Variants in CALN1 observed in about 807,000 individuals in gnomAD.
CALN1 encodes calneuron 1.
A neutral mutation model predicts 30.6 loss-of-function variants in CALN1; 17 were observed. That is an observed-to-expected ratio of 0.56 (90% CI 0.38 to 0.83). The LOEUF is 0.83. Among genes scored for constraint, CALN1 ranks in the 40% least tolerant of loss-of-function variants. The pLI, the probability that CALN1 is intolerant of heterozygous loss-of-function variation, is 0.00. For missense variants in CALN1, 291 were observed against 354.9 expected (o/e 0.82, Z 1.45); for synonymous variants, 156 against 131.4 (o/e 1.19, Z -1.28).
chr7:72,133,677 C>A (rs947708520), intron 3 of CALN1, among the ~76,000 whole-genome samples: 25 of 152,178 alleles, frequency 1.6e-4, no homozygotes, highest in Non-Finnish European at 1.0e-4. Flanking sequence ...GTGGAAAAGC[C>A]TGGCGGACTC....
chr7:71,845,229 T>C (rs1427846524), intron 5 of CALN1, among the ~76,000 whole-genome samples: 2 of 152,178 alleles, frequency 1.3e-5, no homozygotes, highest in Non-Finnish European at 2.9e-5. Flanking sequence ...TGTATCTTGA[T>C]AAAACAAGCT....
intron 3 of CALN1, among the ~76,000 whole-genome samples, chr7:72,135,932 A>C (rs987532773): frequency 1.3e-5 from 2 of 152,084 alleles, no homozygotes; most frequent in Admixed American, 1.3e-4. Flanking sequence ...CAGGAGTTCA[A>C]GACCAGCCTG....
At chr7:72,005,852 G>A (rs887730283) in intron 5 of CALN1, among the ~76,000 whole-genome samples, 6 of 152,134 alleles carry the variant, frequency 3.9e-5, no homozygotes, top group Non-Finnish European at 5.9e-5. Flanking sequence ...AGGGGTGATG[G>A]AATTGTTCAA....
At chr7:72,438,580 C>T (rs941911748) in intron 1 of CALN1, among the ~76,000 whole-genome samples, 2 of 152,146 alleles carry the variant, frequency 1.3e-5, no homozygotes, top group Non-Finnish European at 2.9e-5. Context: ...AAATAGTAGC[C>T]GCCACGTAGA....
chr7:71,855,071 C>T (rs1238500879), intron 5 of CALN1, among the ~76,000 whole-genome samples: 1 of 152,196 alleles, frequency 6.6e-6, no homozygotes, highest in East Asian at 1.9e-4. Context: ...TTCATACTAA[C>T]TGTGAACACA....
At chr7:72,009,021 T>C (rs932559752) in intron 5 of CALN1, among the ~76,000 whole-genome samples, 8 of 152,206 alleles carry the variant, frequency 5.3e-5, no homozygotes, top group Admixed American at 6.5e-5. Flanking sequence ...TTTTGAGGAA[T>C]TGGTAACCTG....
At chr7:72,046,449 T>C (rs1212989697) in intron 4 of CALN1, among the ~76,000 whole-genome samples, 1 of 151,546 alleles carries the variant, frequency 6.6e-6, no homozygotes, top group African/African-American at 2.4e-5. Context: ...TGGTGGCTCA[T>C]GCCTGTAATC....
At chr7:71,952,104 G>A (rs1013600366) in intron 5 of CALN1, among the ~76,000 whole-genome samples, 1 of 152,184 alleles carries the variant, frequency 6.6e-6, no homozygotes, top group Non-Finnish European at 1.5e-5. Context: ...GCTAGCTGAA[G>A]TATGAAAAAT....
intron 2 of CALN1, among the ~76,000 whole-genome samples, chr7:72,347,599 T>C (rs1802714692): frequency 6.6e-6 from 1 of 152,146 alleles, no homozygotes; most frequent in Admixed American, 6.5e-5. Flanking sequence ...AGGCCCCCTC[T>C]CCTTCACACA....
intron 5 of CALN1, among the ~76,000 whole-genome samples, chr7:71,954,519 G>A (rs1428051491): frequency 6.6e-6 from 1 of 152,050 alleles, no homozygotes; most frequent in Non-Finnish European, 1.5e-5. Context: ...GGGCATAGTG[G>A]TGTGCATGTG....
Position 72,242,330 on chromosome 7 carries a change from TG to T in CALN1, c.244+36355del, listed in dbSNP as rs1422897153. Among the ~76,000 whole-genome samples the T allele has an allele frequency of 3.0e-4, 46 of 152,354 alleles. No individual in the cohort carries two copies. The East Asian group carries it at 7.7e-3, about 26-fold the overall frequency. The stretch of plus-strand genomic sequence containing the variant: ...ATGTGCACATATCTGTTTGAGTCCC[TG>T]CTTTCCATCCTTTGGGGTATAGGCA... On this transcript the variant is annotated intron_variant, in intron 3 of 6. Transcript: ENST00000395275.
chr7:71,860,777 C>T (rs1375299517), intron 5 of CALN1, among the ~76,000 whole-genome samples: 2 of 152,050 alleles, frequency 1.3e-5, no homozygotes, highest in Non-Finnish European at 2.9e-5. Flanking sequence ...AAACAGGCAG[C>T]GAGGAAGAGT....
At chr7:72,292,610 C>A (rs1476245320) in intron 2 of CALN1, among the ~76,000 whole-genome samples, 25 of 151,366 alleles carry the variant, frequency 1.7e-4, no homozygotes, top group Admixed American at 1.6e-3. Flanking sequence ...CACTTGAGGT[C>A]AGGAATTCGA....
chr7:71,876,905 G>C lies in CALN1; in HGVS notation c.502-66413C>G, dbSNP rs1431431278. On this transcript the variant is annotated intron_variant, in intron 5 of 6. Coordinates refer to ENST00000395275, the MANE Select transcript of CALN1 (RefSeq NM_031468.4). ...TGGTTTAGTTGGGATGGTAAAAGAT[G>C]AAAGAGCTCCAATAATTAGGTGTGC... 2.0e-5 allele frequency among the ~76,000 whole-genome samples: 3 copies of C among 152,282 alleles called. No homozygotes were observed. The East Asian group carries it at 5.8e-4, about 29-fold the overall frequency.
At chr7:72,164,625 A>G (rs369478148) in intron 3 of CALN1, among the ~76,000 whole-genome samples, 6 of 152,300 alleles carry the variant, frequency 3.9e-5, no homozygotes, top group African/African-American at 1.4e-4. Flanking sequence ...CTCAGTTCAT[A>G]GTACACTTTG....
intron 1 of CALN1, among the ~76,000 whole-genome samples, chr7:72,406,477 G>C (rs570703617): frequency 6.6e-6 from 1 of 152,120 alleles, no homozygotes; most frequent in Non-Finnish European, 1.5e-5. Flanking sequence ...TCCAGAATTT[G>C]TCCTCTAAAG....
Position 71,885,296 on chromosome 7 carries a change from C to T in CALN1, c.502-74804G>A, listed in dbSNP as rs185100323. ...CCTCCCGAGTAGCTGGGACTACAGG[C>T]GCCTGCCACCACACCTGGCTAATTT... On this transcript the variant is annotated intron_variant, in intron 5 of 6. Coordinates refer to ENST00000395275, the MANE Select transcript of CALN1 (RefSeq NM_031468.4). Among the ~76,000 whole-genome samples, 133 of 152,232 alleles carry T rather than the reference C, an allele frequency of 8.7e-4. 1 individual carries two copies. In the East Asian group the frequency reaches 0.022, roughly 26 times the overall value.
chr7:72,052,958 G>A (rs550396770), intron 4 of CALN1, among the ~76,000 whole-genome samples: 7 of 149,824 alleles, frequency 4.7e-5, no homozygotes, highest in South Asian at 4.4e-4. Flanking sequence ...GGCCAGGTGC[G>A]GTGGCTCACG....
chr7:71,989,564 T>C (rs887759175), intron 5 of CALN1, among the ~76,000 whole-genome samples: 1 of 151,544 alleles, frequency 6.6e-6, no homozygotes, highest in Non-Finnish European at 1.5e-5. Context: ...CCAAGTACAC[T>C]CTCTGAGCCA....
Sources: gnomAD v4.1 joint callset for allele counts (sites outside exome capture counted in the v4.1 genomes callset) on GRCh38, gnomAD v4.1.1 for gene constraint, MANE v1.5 for transcripts, NCBI Gene and HGNC (gene_info 2026-07-23, HGNC 2026-07-21) for gene names.